Variants in PSMD12 observed in about 807,000 individuals in gnomAD.
PSMD12 encodes the protein proteasome 26S subunit, non-ATPase 12.
PSMD12 carries 8 observed loss-of-function variants against 62.9 expected under a neutral mutation model. The observed-to-expected ratio is 0.13, with a 90% confidence interval of 0.07 to 0.23. PSMD12 has a LOEUF of 0.23. Ranked by LOEUF, PSMD12 falls within the 10% of genes least tolerant of loss-of-function variation. PSMD12 has a pLI of 1.00. For synonymous variants in PSMD12, 173 were observed against 187.4 expected, an observed-to-expected ratio of 0.92 and a Z score of 0.63; for missense variants, 424 against 550.2, an observed-to-expected ratio of 0.77 and a Z score of 2.29.
In PSMD12 at chr17:67,348,652, A is replaced by G. The variant is rs891138069; in HGVS notation, c.408T>C (p.Ile136=). ...DTLRMVTEGK[I]YVEIERARLT... is the part of the protein sequence containing the mutation. ...GTCGCGCACGCTCAATTTCAACATA[A>G]ATCTACAAATGAGAAATTTACACAA... is the stretch of plus-strand genomic sequence containing the variant. The change falls in exon 5 of 11, where the codon ATT becomes ATC. Residue 136 remains isoleucine, a splice_region_variant and synonymous_variant. Coordinates refer to ENST00000356126, the MANE Select transcript of PSMD12 (RefSeq NM_002816.5). The G allele has an allele frequency of 6.2e-7, 1 of 1,605,230 alleles. No individual in the cohort carries two copies. Among genetic ancestry groups the G allele is most frequent in the Admixed American group, 1.7e-5 (1 of 58,358 alleles).
At chr17:67,360,088 A>G (rs2042115462) in intron 1 of PSMD12, among the ~76,000 whole-genome samples, 1 of 150,408 alleles carries the variant, frequency 6.6e-6, no homozygotes, top group Non-Finnish European at 1.5e-5. Context: ...CGCTTCCCCT[A>G]CTGTACTAGT....
chr17:67,363,974 G>C (rs949010277), intron 1 of PSMD12, among the ~76,000 whole-genome samples: 5 of 152,038 alleles, frequency 3.3e-5, no homozygotes, highest in African/African-American at 1.2e-4. Context: ...GCTTGAAACC[G>C]GGAGGTGGAG....
chr17:67,350,181 A>C (rs371518489), intron 4 of PSMD12, 48 bp downstream of exon 4: 1 of 1,284,204 alleles, frequency 7.8e-7, no homozygotes, highest in African/African-American at 1.5e-5. Flanking sequence ...CTCTGAATAC[A>C]GAAAAAACAG....
chr17:67,341,052 C>T lies in PSMD12; in HGVS notation c.1162G>A (p.Glu388Lys). ...MAQLLDLSVD[E>K]SEAFLSNLVV... ...AGATTTGAGAGAAAGGCTTCGGACTCCTGCAAGAGAGAAAGATAAATTGGA... is the reference window on the plus strand; with the variant it reads ...AGATTTGAGAGAAAGGCTTCGGACTTCTGCAAGAGAGAAAGATAAATTGGA... Residue 388 changes from glutamate (E) to lysine (K), a missense_variant and splice_region_variant, in exon 11 of 11, where the codon GAG (glutamate) becomes AAG (lysine). Coordinates refer to ENST00000356126, the MANE Select transcript of PSMD12 (RefSeq NM_002816.5). The T allele has an allele frequency of 6.5e-7, 1 of 1,537,142 alleles. No individual in the cohort carries two copies. The highest frequency in any genetic ancestry group is 8.7e-7 in the Non-Finnish European group (1 of 1,147,264).
intron 5 of PSMD12, 128 bp from the exon 6 acceptor site, chr17:67,347,613 G>A: frequency 1.2e-6 from 1 of 848,992 alleles, no homozygotes; most frequent in Non-Finnish European, 1.7e-6. Context: ...TAGGGAGAGT[G>A]TTGACAATTA....
chr17:67,342,524 T>G, intron 9 of PSMD12: 1 of 255,410 alleles, frequency 3.9e-6, no homozygotes. Flanking sequence ...AATATATGCC[T>G]GTCTTAACTA....
At chr17:67,344,277 T>C (rs2041942804) in intron 9 of PSMD12, among the ~76,000 whole-genome samples, 1 of 152,198 alleles carries the variant, frequency 6.6e-6, no homozygotes, top group African/African-American at 2.4e-5. Flanking sequence ...CTTAAGAGGT[T>C]CTCTCACAAT....
intron 8 of PSMD12, 132 bp from the exon 9 acceptor site, chr17:67,344,912 G>T: frequency 1.4e-6 from 1 of 729,604 alleles, no homozygotes; most frequent in Non-Finnish European, 2.1e-6. Flanking sequence ...GACACCATAT[G>T]ATTATTGTGT....
chr17:67,366,231 T>C (rs1268562765), intron 1 of PSMD12, among the ~76,000 whole-genome samples, 181 bp downstream of exon 1: 1 of 152,226 alleles, frequency 6.6e-6, no homozygotes, highest in Non-Finnish European at 1.5e-5. Flanking sequence ...CTATAGGCGC[T>C]GGCGTACTCC....
At chr17:67,356,411 A>C (rs1229817626) in intron 3 of PSMD12, among the ~76,000 whole-genome samples, 1 of 150,796 alleles carries the variant, frequency 6.6e-6, no homozygotes, top group Non-Finnish European at 1.5e-5. Context: ...ACAAAAAATT[A>C]GCCGGGCGTG....
chr17:67,366,262 C>G, intron 1 of PSMD12, 150 bp downstream of exon 1: 1 of 727,818 alleles, frequency 1.4e-6, no homozygotes, highest in Non-Finnish European at 2.2e-6. Flanking sequence ...CCGGGCCGAC[C>G]TGGGGTCTCC....
chr17:67,347,610 A>T (rs1321545400), intron 5 of PSMD12, 125 bp from the exon 6 acceptor site: 2 of 871,640 alleles, frequency 2.3e-6, no homozygotes, highest in African/African-American at 3.4e-5. Context: ...ATATAGGGAG[A>T]GTGTTGACAA....
intron 7 of PSMD12, among the ~76,000 whole-genome samples, 154 bp downstream of exon 7, chr17:67,346,962 T>C (rs1406067583): frequency 6.6e-6 from 1 of 152,286 alleles, no homozygotes; most frequent in African/African-American, 2.4e-5. Flanking sequence ...ATGGCTGCAA[T>C]TGGACTGAAT....
chr17:67,362,569 G>C (rs2042141473), intron 1 of PSMD12, among the ~76,000 whole-genome samples: 1 of 85,724 alleles, frequency 1.2e-5, no homozygotes, highest in Non-Finnish European at 3.0e-5. Flanking sequence ...CGCCGAGGCA[G>C]GAGAATTCCT....
At chr17:67,352,331 T>A (rs906909933) in intron 3 of PSMD12, among the ~76,000 whole-genome samples, 5 of 152,132 alleles carry the variant, frequency 3.3e-5, no homozygotes, top group African/African-American at 1.2e-4. Flanking sequence ...CTGTTTAACT[T>A]CCATTTATCA....
chr17:67,341,824 C>G (rs557160329), intron 10 of PSMD12, among the ~76,000 whole-genome samples: 73 of 152,342 alleles, frequency 4.8e-4, no homozygotes, highest in African/African-American at 1.7e-3. Context: ...AGCTGACAAG[C>G]TGATCAAGGA....
rs916216065 is a variant in PSMD12, at chr17:67,342,278, G to C, written c.1084-15C>G. 1 of 1,481,684 alleles carries C rather than the reference G, an allele frequency of 6.7e-7. No homozygotes were observed. Among genetic ancestry groups the C allele is most frequent in the East Asian group, 2.3e-5 (1 of 43,952 alleles). The allele number at this position is 1,481,684 out of a possible 1,614,324, so 91.8% of individuals were successfully genotyped here. A position where few individuals can be genotyped will look rare whatever the true frequency, so the allele number is the denominator to read the frequency against. ...ATTCTAATATTCTGGGGAGAGGATA[G>C]AGAGCAGGGAGAACACGTAACATTT... On this transcript the variant is annotated splice_polypyrimidine_tract_variant and intron_variant, in intron 9 of 10. Coordinates refer to ENST00000356126, the MANE Select transcript of PSMD12 (RefSeq NM_002816.5).
chr17:67,355,089 G>GTTT (rs533603458), intron 3 of PSMD12, among the ~76,000 whole-genome samples: 70 of 121,400 alleles, frequency 5.8e-4, no homozygotes, highest in Non-Finnish European at 8.4e-4. Context: ...CATATTTTTG[G>GTTT]TTTTTTTTTT....
chr17:67,340,592 A>G lies in PSMD12; in HGVS notation c.*251T>C, dbSNP rs777397301. 3 of 354,942 alleles carry G rather than the reference A, an allele frequency of 8.5e-6. No individual in the cohort carries two copies. The highest frequency in any genetic ancestry group is 4.8e-5 in the Admixed American group (1 of 20,706). 22.0% of individuals were successfully genotyped at this position (354,942 alleles called of 1,614,324 possible). A position where few individuals can be genotyped will look rare whatever the true frequency, so the allele number is the denominator to read the frequency against. On this transcript the variant is annotated 3_prime_UTR_variant, in exon 11 of 11. Coordinates refer to ENST00000356126, the MANE Select transcript of PSMD12 (RefSeq NM_002816.5). The stretch of plus-strand genomic sequence containing the variant: ...AAAAGGTTTCAAATGATAGAAAAAC[A>G]TATCTGGGTAAGTTATGACACAACT...
Sources: allele counts gnomAD v4.1 joint callset (sites outside exome capture counted in the v4.1 genomes callset), GRCh38; gene constraint gnomAD v4.1.1; transcripts MANE v1.5; gene names NCBI Gene and HGNC (gene_info 2026-07-23, HGNC 2026-07-21).